The following SLC13A2 variants were observed in gnomAD, a reference collection of about 807,000 sequenced individuals.
The protein encoded by SLC13A2 is Na(+)-coupled citrate transporter.
Under a neutral mutation model 58.5 loss-of-function variants are expected in SLC13A2, and 40 were observed. The observed-to-expected ratio is 0.68, with a 90% confidence interval of 0.53 to 0.89. SLC13A2 has a LOEUF of 0.89. SLC13A2 is among the 40% of genes least tolerant of loss of function. The pLI, the probability that SLC13A2 is intolerant of heterozygous loss-of-function variation, is 0.00. For synonymous variants in SLC13A2, 341 were observed against 331.6 expected (o/e 1.03, Z -0.31); for missense variants, 694 against 772.6 (o/e 0.90, Z 1.21).
At chr17:28,477,421 C>G (rs953626702) in intron 1 of SLC13A2, among the ~76,000 whole-genome samples, 1 of 151,524 alleles carries the variant, frequency 6.6e-6, no homozygotes, top group Non-Finnish European at 1.5e-5. Context: ...GTCTTGATCT[C>G]CTGACCTCGT....
Position 28,496,392 on chromosome 17 carries a change from G to GC in SLC13A2, c.1471-54dup. 6.5e-7 allele frequency: 1 copy of GC among 1,540,744 alleles called. No homozygotes were observed. Among genetic ancestry groups the GC allele is most frequent in the African/African-American group, 1.4e-5 (1 of 72,830 alleles). ...GAGAAGCAGGAGAATTGGGGGCCAT[G>GC]CCCCTCCCTCTGGCTTGGGGACCAA... On this transcript the variant is annotated intron_variant, in intron 10 of 11. Transcript: ENST00000314669. The surrounding 1 kb of genome is among the most constrained non-coding windows in gnomAD (Gnocchi z 4.2).
chr17:28,477,862 A>G (rs8069472), intron 1 of SLC13A2, among the ~76,000 whole-genome samples: 5,664 of 152,088 alleles, frequency 0.037, 362 homozygotes, highest in African/African-American at 0.13. Flanking sequence ...GTTCGAGACC[A>G]GCCTGGCCAA....
At chr17:28,477,272 C>A (rs868963687) in intron 1 of SLC13A2, among the ~76,000 whole-genome samples, 2 of 144,440 alleles carry the variant, frequency 1.4e-5, no homozygotes. Context: ...TGGCTCACTG[C>A]AAGCTCCGCC....
At chr17:28,484,408 G>A (rs1223856005) in intron 1 of SLC13A2, among the ~76,000 whole-genome samples, 1 of 152,156 alleles carries the variant, frequency 6.6e-6, no homozygotes, top group Non-Finnish European at 1.5e-5. Context: ...GAGGCCCTGT[G>A]GCCAGAGGGA....
rs1245557421 is a variant in SLC13A2, at chr17:28,493,682, G to A, written c.990G>A (p.Lys330=). ...TGGGCCCCATGACCTTTGCAGAAAA[G>A]GCCATCAGCATCCTATTCGTCATCC... ...RLLGPMTFAE[K]AISILFVILV... The change falls in exon 7 of 12, where the codon AAG becomes AAA. Residue 330 remains lysine, a synonymous_variant. Coordinates refer to ENST00000314669, the MANE Select transcript of SLC13A2 (RefSeq NM_003984.4). The A allele has an allele frequency of 3.1e-6, 5 of 1,614,248 alleles. No individual in the cohort carries two copies. The highest frequency in any genetic ancestry group is 4.2e-6 in the Non-Finnish European group (5 of 1,180,044).
chr17:28,488,125 A>G (rs2068921077), intron 1 of SLC13A2, among the ~76,000 whole-genome samples: 1 of 152,098 alleles, frequency 6.6e-6, no homozygotes, highest in Non-Finnish European at 1.5e-5. Context: ...TGACAATACT[A>G]AGTTCCTAAG....
At chr17:28,483,054 C>A (rs1000147642) in intron 1 of SLC13A2, among the ~76,000 whole-genome samples, 2 of 152,182 alleles carry the variant, frequency 1.3e-5, no homozygotes, top group African/African-American at 4.8e-5. Flanking sequence ...CTTGGGTTAA[C>A]CTTCAGTCAC....
At chr17:28,485,876 T>A (rs2068871502) in intron 1 of SLC13A2, among the ~76,000 whole-genome samples, 1 of 151,662 alleles carries the variant, frequency 6.6e-6, no homozygotes, top group Non-Finnish European at 1.5e-5. Context: ...ATGCCTGTAG[T>A]CCCAGCTATT....
rs1555604251 is a variant in SLC13A2 at position 28,494,456 on chromosome 17, C to A, written c.1252C>A (p.Pro418Thr). The A allele has an allele frequency of 1.2e-6, 2 of 1,614,116 alleles. No individual in the cohort carries two copies. The highest frequency in any genetic ancestry group is 1.7e-6 in the Non-Finnish European group (2 of 1,180,002). The change falls in exon 9 of 12, where the codon CCG becomes ACG. Residue 418 changes from proline to threonine, a missense_variant. Transcript: ENST00000314669. This position sits in a 1 kb window ranked among gnomAD's most constrained non-coding sequence, Gnocchi z 4.0. Reference protein sequence around the residue: ...LDWKTVNQKMPWNIVLLLGGG... With the variant: ...LDWKTVNQKMTWNIVLLLGGG... ...CTGGAAGACGGTGAACCAGAAGATGCCGTGGAATATCGTGTTATTGCTGGG... is the reference window on the plus strand; with the variant it reads ...CTGGAAGACGGTGAACCAGAAGATGACGTGGAATATCGTGTTATTGCTGGG...
intron 2 of SLC13A2, 73 bp from the exon 3 acceptor site, chr17:28,490,381 A>G (rs941712318): frequency 6.2e-7 from 1 of 1,613,902 alleles, no homozygotes; most frequent in Non-Finnish European, 8.5e-7. Flanking sequence ...CAGTGACTGC[A>G]TCCCATAACC....
intron 1 of SLC13A2, among the ~76,000 whole-genome samples, chr17:28,478,664 G>A (rs955341504): frequency 6.6e-6 from 1 of 152,202 alleles, no homozygotes; most frequent in Non-Finnish European, 1.5e-5. Flanking sequence ...TGAAATGCTA[G>A]TCACTCTCTG....
chr17:28,493,739 C>T lies in SLC13A2; in HGVS notation c.1047C>T (p.Gly349=). The T allele has an allele frequency of 6.2e-7, 1 of 1,614,196 alleles. No homozygotes were observed. The highest frequency in any genetic ancestry group is 8.5e-7 in the Non-Finnish European group (1 of 1,180,036). Residue 349 remains glycine (G), a synonymous_variant, in exon 7 of 12, where the codon GGC becomes GGT. Transcript: ENST00000314669. ...LVLLWFTREP[G]FFLGWGNLAF... is the part of the protein sequence containing the mutation. ...TGCTCTGGTTCACCCGGGAGCCGGG[C>T]TTTTTTCTTGGCTGGGGCAATTTGG...
At chr17:28,497,009 G>A (rs545097798) in intron 11 of SLC13A2, 90 bp from the exon 12 acceptor site, 2 of 1,375,406 alleles carry the variant, frequency 1.5e-6, no homozygotes, top group South Asian at 1.3e-5. Flanking sequence ...TTTGCTGGTA[G>A]GAGGGCTCCT....
rs1194614343 is a variant in SLC13A2 at position 28,491,464 on chromosome 17, C to G, written c.602C>G (p.Ser201Cys). The G allele has an allele frequency of 6.2e-6, 10 of 1,613,644 alleles. No individual in the cohort carries two copies. The highest frequency in any genetic ancestry group is 7.6e-6 in the Non-Finnish European group (9 of 1,180,052). The change falls in exon 5 of 12, where the codon TCT (serine) becomes TGT (cysteine). Residue 201 changes from serine (S) to cysteine (C), a missense_variant. Transcript: ENST00000314669. ...LDNGQALPVTSASSEGRAHLS... is the reference protein window; with the variant it reads ...LDNGQALPVTCASSEGRAHLS... ...AATGGGCAGGCCCTCCCTGTCACGT[C>G]TGCCTCTTCGGAGGGGAGGGCACAT...
chr17:28,484,307 C>T (rs1036045032), intron 1 of SLC13A2, among the ~76,000 whole-genome samples: 6 of 152,114 alleles, frequency 3.9e-5, no homozygotes, highest in Non-Finnish European at 8.8e-5. Context: ...CCTGAAAAAT[C>T]AATATTTGAG....
chr17:28,474,350 G>A (rs1466977028), intron 1 of SLC13A2, among the ~76,000 whole-genome samples: 3 of 152,130 alleles, frequency 2.0e-5, no homozygotes, highest in Non-Finnish European at 4.4e-5. Flanking sequence ...GTTGGAAGAG[G>A]GGACCGCTGC....
At position 28,491,473 on chromosome 17, in the gene SLC13A2, C is replaced by T. The variant is rs1555603381; in HGVS notation, c.611C>T (p.Ser204Leu). The T allele has an allele frequency of 6.8e-6, 11 of 1,613,642 alleles. No homozygotes were observed. Among genetic ancestry groups the T allele is most frequent in the Middle Eastern group, 1.6e-4 (1 of 6,084 alleles). Reference protein sequence around the residue: ...GQALPVTSASSEGRAHLSQKH... With the variant: ...GQALPVTSASLEGRAHLSQKH... Reference sequence around the variant, plus strand: ...GCCCTCCCTGTCACGTCTGCCTCTTCGGAGGGGAGGGCACATCTCAGCCAG... The same window carrying T: ...GCCCTCCCTGTCACGTCTGCCTCTTTGGAGGGGAGGGCACATCTCAGCCAG... The change falls in exon 5 of 12, where the codon TCG becomes TTG. Residue 204 changes from serine to leucine, a missense_variant. By Grantham distance (145) the Ser-to-Leu change is moderately radical (BLOSUM62 -2). Transcript: ENST00000314669.
chr17:28,493,643 C>A lies in SLC13A2; in HGVS notation c.951C>A (p.Thr317=). Residue 317 remains threonine (T), a synonymous_variant, in exon 7 of 12, where the codon ACC becomes ACA. Transcript: ENST00000314669. ...AGGCAGCCTACTGCGTCATCCAGAC[C>A]GAGCACAGGCTGCTGGGCCCCATGA... The part of the protein sequence containing the change: ...QQQAAYCVIQ[T]EHRLLGPMTF... 2 of 1,614,136 alleles carry A rather than the reference C, an allele frequency of 1.2e-6. No individual in the cohort carries two copies. Among genetic ancestry groups the A allele is most frequent in the Non-Finnish European group, 1.7e-6 (2 of 1,179,984 alleles).
chr17:28,476,868 C>G (rs967987143), intron 1 of SLC13A2, among the ~76,000 whole-genome samples: 1 of 152,096 alleles, frequency 6.6e-6, no homozygotes, highest in Non-Finnish European at 1.5e-5. Flanking sequence ...TCAAAAAATA[C>G]TTGTTAGGCC....
Sources: gnomAD v4.1 joint callset for allele counts (sites outside exome capture counted in the v4.1 genomes callset) on GRCh38, gnomAD v4.1.1 for gene constraint, Gnocchi (gnomAD v3.1) non-coding constraint, MANE v1.5 for transcripts, NCBI Gene and HGNC (gene_info 2026-07-23, HGNC 2026-07-21) for gene names.